The following HIBCH variants were observed in gnomAD, a reference collection of about 807,000 sequenced individuals.
The protein encoded by HIBCH is 3-hydroxyisobutyryl-CoA hydrolase.
In HIBCH, 50 loss-of-function variants were observed where a neutral mutation model predicts 58.2. That is an observed-to-expected ratio of 0.86 (90% confidence interval 0.68 to 1.09). The LOEUF (loss-of-function observed/expected upper bound fraction) is 1.09. Among genes scored for constraint, HIBCH ranks in the 50% least tolerant of loss-of-function variants. The pLI is 0.00. For missense variants in HIBCH, 450 were observed against 449.7 expected, an observed-to-expected ratio of 1.00 and a Z score of -0.01; for synonymous variants, 151 against 146.9, an observed-to-expected ratio of 1.03 and a Z score of -0.20.
At position 190,260,664 on chromosome 2, in the gene HIBCH, A is replaced by G. The variant is rs575172001; in HGVS notation, c.517+492T>C. On this transcript the variant is annotated intron_variant, in intron 7 of 13. Coordinates refer to ENST00000359678, the MANE Select transcript of HIBCH (RefSeq NM_014362.4). ...CAACATGGTGTTGGCACCATGATTG[A>G]CATCTATAGACAACTATAACAAAGC... Among the ~76,000 whole-genome samples, 4 of 152,324 alleles carry G rather than the reference A, an allele frequency of 2.6e-5. No individual in the cohort carries two copies. The East Asian group carries it at 5.8e-4, about 22-fold the overall frequency.
At chr2:190,193,846 GCTTTT>G (rs1484124597) in intron 1 of HIBCH, among the ~76,000 whole-genome samples, 1 of 151,784 alleles carries the variant, frequency 6.6e-6, no homozygotes, top group African/African-American at 2.4e-5. Context: ...GGTTTAATTT[GCTTTT>G]CTTTTTTTAG....
intron 6 of HIBCH, among the ~76,000 whole-genome samples, chr2:190,271,843 C>T (rs184948482): frequency 7.2e-5 from 11 of 152,308 alleles, no homozygotes; most frequent in Non-Finnish European, 1.3e-4. Context: ...TCTATGGCCT[C>T]AGAATTTAAC....
intron 1 of HIBCH, chr2:190,311,095 T>C (rs1688543062): frequency 5.6e-6 from 3 of 532,794 alleles, no homozygotes; most frequent in Admixed American, 2.8e-5. Flanking sequence ...TATTCAGCCA[T>C]GAAAAAAAGA....
At chr2:190,252,077 G>T in intron 8 of HIBCH, 85 bp downstream of exon 8, 3 of 1,261,218 alleles carry the variant, frequency 2.4e-6, no homozygotes, top group Non-Finnish European at 2.3e-6. Flanking sequence ...GAAGTCTGTG[G>T]CTCTCAACCA....
At position 190,319,788 on chromosome 2, in the gene HIBCH, T is replaced by C; in HGVS notation, c.-38A>G. 1 of 1,600,316 alleles carries C rather than the reference T, an allele frequency of 6.2e-7. No homozygotes were observed. Among genetic ancestry groups the C allele is most frequent in the South Asian group, 1.1e-5 (1 of 88,438 alleles). ...CGAAGCTAAAGCAGCAGAGCGAGAA[T>C]CTCCCGGACCGTTCCAGCGCCTCGC... On this transcript the variant is annotated 5_prime_UTR_variant, in exon 1 of 14. Transcript: ENST00000359678.
intron 6 of HIBCH, among the ~76,000 whole-genome samples, chr2:190,284,258 G>C (rs1687777285): frequency 6.6e-6 from 1 of 151,962 alleles, no homozygotes; most frequent in Admixed American, 6.6e-5. Flanking sequence ...AAATATTCTT[G>C]GTTGTTACAT....
chr2:190,306,064 A>C lies in HIBCH; in HGVS notation c.78+4690T>G, dbSNP rs1688396201. ...AGCAACTTGCCATGGTCATCTTCCCATGTCACTACTACAGATAAAGCTGTC... is the reference window on the plus strand; with the variant it reads ...AGCAACTTGCCATGGTCATCTTCCCCTGTCACTACTACAGATAAAGCTGTC... On this transcript the variant is annotated intron_variant, in intron 2 of 13. Transcript: ENST00000359678. This position sits in a 1 kb window ranked among gnomAD's most constrained non-coding sequence, Gnocchi z 4.6. Among the ~76,000 whole-genome samples, 1 of 152,138 alleles carries C rather than the reference A, an allele frequency of 6.6e-6. No individual in the cohort carries two copies. Among genetic ancestry groups the C allele is most frequent in the Admixed American group, 6.5e-5 (1 of 15,270 alleles).
At chr2:190,265,053 G>C (rs945667367) in intron 6 of HIBCH, among the ~76,000 whole-genome samples, 1 of 148,642 alleles carries the variant, frequency 6.7e-6, no homozygotes, top group Non-Finnish European at 1.5e-5. Flanking sequence ...AACCTGGGAG[G>C]TGGAGGTTGC....
chr2:190,280,009 A>G (rs1458270550), intron 6 of HIBCH: 1 of 152,234 alleles, frequency 6.6e-6, no homozygotes, highest in Non-Finnish European at 1.5e-5. Flanking sequence ...TCTTGTAGCA[A>G]AACTGCCGGC....
At position 190,197,191 on chromosome 2, in the gene HIBCH, A is replaced by G. The variant is rs1690019922; in HGVS notation, c.*18-7194T>C. Among the ~76,000 whole-genome samples, 2 of 152,176 alleles carry G rather than the reference A, an allele frequency of 1.3e-5. No homozygotes were observed. Among genetic ancestry groups the G allele is most frequent in the South Asian group, 4.1e-4 (2 of 4,822 alleles). On this transcript the variant is annotated intron_variant, in intron 1 of 1. Transcript: ENST00000399855. The surrounding 1 kb of genome is among the most constrained non-coding windows in gnomAD (Gnocchi z 4.0). ...ATATATGAATTTGGAGAAGCCACAA[A>G]CATCCTAGCTCACAAGCCTAAGTCA... is the stretch of plus-strand genomic sequence containing the variant.
chr2:190,250,992 TCTAA>T (rs534722892), intron 8 of HIBCH, among the ~76,000 whole-genome samples: 34 of 152,290 alleles, frequency 2.2e-4, no homozygotes, highest in African/African-American at 5.5e-4. Context: ...CACATGATAG[TCTAA>T]CTGTCAGTAT....
chr2:190,249,631 C>T lies in HIBCH; in HGVS notation c.750+9G>A, dbSNP rs538187845. 5.8e-5 allele frequency: 87 copies of T among 1,505,322 alleles called. No individual in the cohort carries two copies. The South Asian group carries it at 9.4e-4, about 16-fold the overall frequency. The allele number at this position is 1,505,322 out of a possible 1,614,324, so 93.2% of individuals were successfully genotyped here. ...TTAAAACCTGAGGTTAGAATATTAA[C>T]AAGATTACCTCTGTATGGTAATTTT... On this transcript the variant is annotated intron_variant, in intron 9 of 13. Coordinates refer to ENST00000359678, the MANE Select transcript of HIBCH (RefSeq NM_014362.4).
In HIBCH at chr2:190,304,544, T is replaced by C. The variant is rs998312129; in HGVS notation, c.78+6210A>G. ...AATCACCTCCCAAAGGCCTTACCTT[T>C]CAATACATCCACACTGGGGGTTAAA... On this transcript the variant is annotated intron_variant, in intron 2 of 13. Coordinates refer to ENST00000359678, the MANE Select transcript of HIBCH (RefSeq NM_014362.4). The surrounding 1 kb of genome is among the most constrained non-coding windows in gnomAD (Gnocchi z 4.1). Among the ~76,000 whole-genome samples, 4 of 152,172 alleles carry C rather than the reference T, an allele frequency of 2.6e-5. No individual in the cohort carries two copies. Among genetic ancestry groups the C allele is most frequent in the Admixed American group, 2.0e-4 (3 of 15,272 alleles).
rs1393573612 is a variant in HIBCH, at chr2:190,296,863, G to C, written c.169C>G (p.Leu57Val). 1 of 1,613,888 alleles carries C rather than the reference G, an allele frequency of 6.2e-7. No individual in the cohort carries two copies. The highest frequency in any genetic ancestry group is 1.7e-5 in the Admixed American group (1 of 59,998). The part of the protein sequence containing the change: ...GVITLNRPKF[L>V]NALTLNMIRQ... The stretch of plus-strand genomic sequence containing the variant: ...ATCATATTAAGAGTCAGTGCATTGA[G>C]GAACTTTGGTCTGTTTAGTGTTATG... Residue 57 changes from leucine to valine, a missense_variant, in exon 3 of 14, where the codon CTC becomes GTC. Leu to Val is a conservative substitution (Grantham distance 32). Coordinates refer to ENST00000359678, the MANE Select transcript of HIBCH (RefSeq NM_014362.4).
At chr2:190,190,793 A>G (rs1575672155) in intron 1 of HIBCH, among the ~76,000 whole-genome samples, 1 of 152,308 alleles carries the variant, frequency 6.6e-6, no homozygotes, top group Middle Eastern at 3.4e-3. Context: ...TTTAACATAC[A>G]GTAAAGCTGA....
In HIBCH at chr2:190,197,054, C is replaced by T. The variant is rs578129071; in HGVS notation, c.*18-7057G>A. On this transcript the variant is annotated intron_variant, in intron 1 of 1. Transcript: ENST00000399855. This position sits in a 1 kb window ranked among gnomAD's most constrained non-coding sequence, Gnocchi z 4.0. ...AGCTTTTCACTGTGGCCTCACATGTCAGTAGGGGCAAGGGAACTCTCTGGG... is the reference window on the plus strand; with the variant it reads ...AGCTTTTCACTGTGGCCTCACATGTTAGTAGGGGCAAGGGAACTCTCTGGG... Among the ~76,000 whole-genome samples, 1 of 152,242 alleles carries T rather than the reference C, an allele frequency of 6.6e-6. No individual in the cohort carries two copies. The highest frequency in any genetic ancestry group is 1.5e-5 in the Non-Finnish European group (1 of 68,020).
intron 1 of HIBCH, among the ~76,000 whole-genome samples, chr2:190,316,127 T>G (rs541514002): frequency 1.3e-5 from 2 of 152,194 alleles, no homozygotes; most frequent in East Asian, 3.9e-4. Context: ...GTCAGCAGCA[T>G]TTTATTTTTG....
chr2:190,247,078 G>A (rs1686630039), intron 9 of HIBCH, among the ~76,000 whole-genome samples: 4 of 151,660 alleles, frequency 2.6e-5, no homozygotes, highest in Admixed American at 1.3e-4. Flanking sequence ...AGCACTTTGG[G>A]TTAAAACACA....
chr2:190,192,242 T>A (rs1004188515), intron 1 of HIBCH, among the ~76,000 whole-genome samples: 46 of 152,176 alleles, frequency 3.0e-4, no homozygotes, highest in Admixed American at 8.5e-4. Context: ...TTTGGACATG[T>A]CAAGTATCAG....
Sources: gnomAD v4.1 joint callset for allele counts (sites outside exome capture counted in the v4.1 genomes callset) on GRCh38, gnomAD v4.1.1 for gene constraint, Gnocchi (gnomAD v3.1) non-coding constraint, MANE v1.5 for transcripts, NCBI Gene and HGNC (gene_info 2026-07-23, HGNC 2026-07-21) for gene names.